Variants in MON2 observed in about 807,000 individuals in gnomAD.
MON2 encodes MON2 regulator of endosome-to-Golgi trafficking.
Under a neutral mutation model 208.6 loss-of-function variants are expected in MON2, and 84 were observed. That is an observed-to-expected ratio of 0.40 (90% CI 0.34 to 0.48). MON2 has a LOEUF of 0.48. MON2 is among the 20% of genes least tolerant of loss of function. The probability of loss-of-function intolerance (pLI) is 0.59; values close to 1 mark genes in which losing one functional copy is unlikely to be tolerated. For synonymous variants in MON2, 660 were observed against 694.0 expected (o/e 0.95, Z 0.77); for missense variants, 1,611 against 2,015.4 (o/e 0.80, Z 3.84).
chr12:62,524,890 G>C (rs2072254936), intron 9 of MON2, among the ~76,000 whole-genome samples, 194 bp from the exon 10 acceptor site: 1 of 152,058 alleles, frequency 6.6e-6, no homozygotes, highest in South Asian at 2.1e-4. Flanking sequence ...ATTTAATATA[G>C]CCAAAATAAT....
intron 2 of MON2, chr12:62,490,046 G>A: frequency 5.8e-6 from 7 of 1,202,220 alleles, no homozygotes; most frequent in Non-Finnish European, 7.6e-6. Flanking sequence ...GATAAAAACT[G>A]CAATTATGCA....
chr12:62,546,331 T>G (rs2073481017), intron 21 of MON2, among the ~76,000 whole-genome samples: 1 of 152,218 alleles, frequency 6.6e-6, no homozygotes, highest in Admixed American at 6.5e-5. Context: ...ATTAGTATCT[T>G]TAAAGTAAGA....
At chr12:62,525,774 A>G (rs1329994780) in intron 10 of MON2, among the ~76,000 whole-genome samples, 175 bp from the exon 11 acceptor site, 3 of 152,236 alleles carry the variant, frequency 2.0e-5, no homozygotes, top group Admixed American at 1.3e-4. Context: ...TTTTAGGGAA[A>G]TAGGAACATT....
At chr12:62,532,693 T>G in intron 12 of MON2, 23 bp downstream of exon 12, 1 of 1,550,572 alleles carries the variant, frequency 6.4e-7, no homozygotes. Context: ...ATTTTTAATT[T>G]TTATTGGAAA....
At position 62,528,809 on chromosome 12, in the gene MON2, C is replaced by T. The variant is rs538175155; in HGVS notation, c.1400+2707C>T. ...TAATTGGCCTGGGAAAGATTAAAGCCGTAAACAGATATTTATCTCCCCATT... is the reference window on the plus strand; with the variant it reads ...TAATTGGCCTGGGAAAGATTAAAGCTGTAAACAGATATTTATCTCCCCATT... On this transcript the variant is annotated intron_variant, in intron 11 of 34. Transcript: ENST00000393630. Among the ~76,000 whole-genome samples, 12 of 152,260 alleles carry T rather than the reference C, an allele frequency of 7.9e-5. No homozygotes were observed. In the South Asian group the frequency reaches 2.3e-3, roughly 29 times the overall value.
intron 2 of MON2, among the ~76,000 whole-genome samples, chr12:62,493,533 T>A (rs1378504586): frequency 6.6e-6 from 1 of 152,236 alleles, no homozygotes; most frequent in Non-Finnish European, 1.5e-5. Context: ...TTTTTAATGA[T>A]TCTATTCTAG....
At chr12:62,517,710 CAGA>C (rs2071778616) in intron 8 of MON2, among the ~76,000 whole-genome samples, 2 of 152,140 alleles carry the variant, frequency 1.3e-5, no homozygotes, top group African/African-American at 4.8e-5. Flanking sequence ...TTCCAGCCTC[CAGA>C]ATTGTAACAA....
At chr12:62,467,429 C>T (rs1005858822) in intron 1 of MON2, 111 bp downstream of exon 1, 1 of 836,370 alleles carries the variant, frequency 1.2e-6, no homozygotes, top group Admixed American at 2.3e-5. Context: ...CTCACCTTTC[C>T]AGATTTGTGA....
chr12:62,496,710 T>C (rs1189170613), intron 4 of MON2, among the ~76,000 whole-genome samples: 1 of 152,184 alleles, frequency 6.6e-6, no homozygotes, highest in Non-Finnish European at 1.5e-5. Context: ...AATACAAATA[T>C]CTGACAAAGG....
intron 26 of MON2, among the ~76,000 whole-genome samples, chr12:62,562,827 A>G (rs2074247952): frequency 6.6e-6 from 1 of 152,082 alleles, no homozygotes; most frequent in African/African-American, 2.4e-5. Context: ...GTGCTTTTAT[A>G]TTGTTTAGGA....
intron 32 of MON2, among the ~76,000 whole-genome samples, chr12:62,583,423 A>G (rs1592465318): frequency 6.6e-6 from 1 of 152,298 alleles, no homozygotes; most frequent in Non-Finnish European, 1.5e-5. Context: ...AAATGAATCC[A>G]GGGAGCCTAA....
chr12:62,481,205 A>G (rs2069406546), intron 1 of MON2, among the ~76,000 whole-genome samples: 1 of 152,102 alleles, frequency 6.6e-6, no homozygotes. Context: ...TTTACCGTAT[A>G]TTGGAATCAC....
chr12:62,565,150 A>C, intron 26 of MON2, 87 bp from the exon 27 acceptor site: 1 of 1,309,876 alleles, frequency 7.6e-7, no homozygotes, highest in Non-Finnish European at 1.1e-6. Flanking sequence ...AGTTTTTAAG[A>C]TTCTGTGGTT....
intron 2 of MON2, among the ~76,000 whole-genome samples, chr12:62,489,345 CT>C (rs2069981264): frequency 6.6e-6 from 1 of 151,988 alleles, no homozygotes; most frequent in South Asian, 2.1e-4. Context: ...CATTTTTTCC[CT>C]GTATTAAATT....
At position 62,593,574 on chromosome 12, in the gene MON2, C is replaced by G. The variant is rs143317696; in HGVS notation, c.*825C>G. ...TAATACATTGATACATATTGTAGCA[C>G]TATGACTTCATCATACCTCATTTCT... On this transcript the variant is annotated 3_prime_UTR_variant, in exon 35 of 35. Transcript: ENST00000393630. The G allele has an allele frequency of 2.6e-5, 4 of 152,706 alleles. No homozygotes were observed. Among genetic ancestry groups the G allele is most frequent in the African/African-American group, 4.8e-5 (2 of 41,574 alleles). The allele number at this position is 152,706 out of a possible 1,614,324, so 9.5% of individuals were successfully genotyped here.
At chr12:62,475,581 G>C (rs1481203482) in intron 1 of MON2, among the ~76,000 whole-genome samples, 1 of 151,230 alleles carries the variant, frequency 6.6e-6, no homozygotes, top group African/African-American at 2.4e-5. Flanking sequence ...AGTATTTTTA[G>C]TAATTTTGTA....
In MON2 at chr12:62,592,760, T is replaced by G; in HGVS notation, c.*11T>G. ...AATGGAGAATCTTGACCGGCTACAA[T>G]ATATTTGAAAGCAGGAAGATAGTCT... On this transcript the variant is annotated 3_prime_UTR_variant, in exon 35 of 35. Transcript: ENST00000393630. 6.4e-7 allele frequency: 1 copy of G among 1,561,564 alleles called. No homozygotes were observed. The highest frequency in any genetic ancestry group is 1.2e-5 in the South Asian group (1 of 85,546).
chr12:62,543,182 C>T lies in MON2; in HGVS notation c.2450C>T (p.Thr817Ile). The T allele has an allele frequency of 1.3e-6, 2 of 1,542,584 alleles. No homozygotes were observed. The highest frequency in any genetic ancestry group is 2.4e-5 in the East Asian group (1 of 42,170). Reference protein sequence around the residue: ...HRIEILWRPLTGHLLEVCQHP... With the variant: ...HRIEILWRPLIGHLLEVCQHP... The stretch of plus-strand genomic sequence containing the variant: ...ATAGAAATTCTGTGGAGACCTCTGA[C>T]TGGCCATCTACTTGAGGTAAATTCT... Residue 817 changes from threonine (T) to isoleucine (I), a missense_variant, in exon 20 of 35, where the codon ACT becomes ATT. Transcript: ENST00000393630.
intron 27 of MON2, among the ~76,000 whole-genome samples, chr12:62,565,665 C>T (rs554842898): frequency 1.7e-4 from 26 of 152,176 alleles, no homozygotes; most frequent in African/African-American, 6.0e-4. Context: ...AATATAAGTT[C>T]CTTTGTACCT....
Sources: gnomAD v4.1 joint callset for allele counts (sites outside exome capture counted in the v4.1 genomes callset) on GRCh38, gnomAD v4.1.1 for gene constraint, MANE v1.5 for transcripts, NCBI Gene and HGNC (gene_info 2026-07-23, HGNC 2026-07-21) for gene names.